The following NPAS3 variants were observed in gnomAD, a reference collection of about 807,000 sequenced individuals.
The protein encoded by NPAS3 is neuronal PAS domain-containing protein 3.
Under a neutral mutation model 73.1 loss-of-function variants are expected in NPAS3, and 14 were observed. That is an observed-to-expected ratio of 0.19 (90% CI 0.13 to 0.30). The LOEUF is 0.30. Among genes scored for constraint, NPAS3 ranks in the 10% least tolerant of loss-of-function variants. The pLI is 1.00. For missense variants in NPAS3, 1,096 were observed against 1,250.0 expected (o/e 0.88, Z 1.86); for synonymous variants, 620 against 541.5 (o/e 1.14, Z -2.01).
intron 3 of NPAS3, among the ~76,000 whole-genome samples, chr14:33,362,579 A>G (rs1343442017): frequency 3.9e-5 from 6 of 152,020 alleles, no homozygotes; most frequent in Admixed American, 3.9e-4. Context: ...ATGTCCAGGG[A>G]TTCCATTAAG....
At chr14:33,338,917 G>A (rs2140303492) in intron 3 of NPAS3, among the ~76,000 whole-genome samples, 1 of 152,182 alleles carries the variant, frequency 6.6e-6, no homozygotes, top group Middle Eastern at 3.4e-3. Flanking sequence ...CACATATTCT[G>A]AAGCTCATAC....
intron 1 of NPAS3, among the ~76,000 whole-genome samples, chr14:33,024,221 G>T (rs2138288526): frequency 6.6e-6 from 1 of 151,632 alleles, no homozygotes; most frequent in Middle Eastern, 3.4e-3. Flanking sequence ...ACCCAGGCTG[G>T]AGTACAGTGG....
At chr14:33,566,965 G>T (rs1367279989) in intron 5 of NPAS3, among the ~76,000 whole-genome samples, 1 of 152,220 alleles carries the variant, frequency 6.6e-6, no homozygotes, top group African/African-American at 2.4e-5. Flanking sequence ...AATCCACAGG[G>T]CTTCTTCAGG....
chr14:33,324,464 G>A (rs1009132884), intron 3 of NPAS3, among the ~76,000 whole-genome samples: 2 of 152,080 alleles, frequency 1.3e-5, no homozygotes, highest in East Asian at 1.9e-4. Flanking sequence ...TGTGATTATC[G>A]GATTGCCCTT....
chr14:33,757,383 T>C (rs2062147636), intron 7 of NPAS3, among the ~76,000 whole-genome samples: 1 of 152,180 alleles, frequency 6.6e-6, no homozygotes, highest in Non-Finnish European at 1.5e-5. Context: ...GTTCAACATA[T>C]GGGGAACTGA....
intron 1 of NPAS3, among the ~76,000 whole-genome samples, chr14:32,996,434 C>G (rs1381284109): frequency 6.6e-6 from 1 of 152,196 alleles, no homozygotes; most frequent in African/African-American, 2.4e-5. Context: ...GAAAATGTAT[C>G]TAGGGCATGT....
At chr14:33,350,785 T>C (rs548329106) in intron 3 of NPAS3, among the ~76,000 whole-genome samples, 49 of 152,336 alleles carry the variant, frequency 3.2e-4, no homozygotes, top group Non-Finnish European at 1.5e-5. Flanking sequence ...TGGGTAGCTT[T>C]ACCAAAACAT....
chr14:32,941,345 T>TTCCTTCCTTCCTTCCG (rs1294162511), intron 1 of NPAS3, among the ~76,000 whole-genome samples: 1 of 128,590 alleles, frequency 7.8e-6, no homozygotes, highest in African/African-American at 3.1e-5. Flanking sequence ...CCTTCCTTCC[T>TTCCTTCCTTCCTTCCG]TCCTTCTTCC....
intron 3 of NPAS3, among the ~76,000 whole-genome samples, chr14:33,325,166 A>T (rs964711723): frequency 1.3e-5 from 2 of 152,092 alleles, no homozygotes; most frequent in East Asian, 1.9e-4. Context: ...TTTTTTTTTA[A>T]AAAATTAATT....
intron 9 of NPAS3, among the ~76,000 whole-genome samples, chr14:33,782,456 A>T (rs1045949100): frequency 3.3e-5 from 5 of 152,202 alleles, no homozygotes; most frequent in Admixed American, 3.3e-4. Context: ...CTTTATTCCC[A>T]TTTAATCCAG....
At chr14:33,655,631 G>A (rs1054018791) in intron 5 of NPAS3, among the ~76,000 whole-genome samples, 1 of 152,102 alleles carries the variant, frequency 6.6e-6, no homozygotes, top group Non-Finnish European at 1.5e-5. Context: ...CTTGGAAAAA[G>A]GAAGTGGATG....
At chr14:33,420,222 C>T (rs1304628523) in intron 4 of NPAS3, among the ~76,000 whole-genome samples, 1 of 151,834 alleles carries the variant, frequency 6.6e-6, no homozygotes, top group African/African-American at 2.4e-5. Flanking sequence ...TTTTAAATTT[C>T]CTCATCCTGG....
intron 1 of NPAS3, among the ~76,000 whole-genome samples, chr14:33,032,581 A>G (rs139107262): frequency 6.6e-6 from 1 of 152,296 alleles, no homozygotes; most frequent in African/African-American, 2.4e-5. Flanking sequence ...CACAGTCTGC[A>G]TGGACTGACA....
intron 3 of NPAS3, among the ~76,000 whole-genome samples, chr14:33,229,485 CT>C (rs1465016370): frequency 6.6e-6 from 1 of 152,176 alleles, no homozygotes; most frequent in Non-Finnish European, 1.5e-5. Context: ...ACGTGCTCAC[CT>C]TCCCGCCCGC....
At chr14:33,318,507 C>A (rs2043300800) in intron 3 of NPAS3, among the ~76,000 whole-genome samples, 1 of 152,030 alleles carries the variant, frequency 6.6e-6, no homozygotes. Flanking sequence ...TATTTTACCA[C>A]AATTTTTTAA....
At chr14:33,125,568 G>A (rs892161494) in intron 2 of NPAS3, among the ~76,000 whole-genome samples, 2 of 152,040 alleles carry the variant, frequency 1.3e-5, no homozygotes, top group African/African-American at 4.8e-5. Flanking sequence ...GAACTTTATC[G>A]AGAACTGATG....
At chr14:33,503,230 A>G in intron 4 of NPAS3, among the ~76,000 whole-genome samples, 1 of 151,926 alleles carries the variant, frequency 6.6e-6, no homozygotes, top group East Asian at 1.9e-4. Flanking sequence ...CAATATCAAC[A>G]ATTATAGTAG....
intron 3 of NPAS3, among the ~76,000 whole-genome samples, chr14:33,251,064 G>C (rs2048565486): frequency 2.0e-5 from 3 of 152,108 alleles, no homozygotes; most frequent in Admixed American, 2.0e-4. Context: ...GTTCTAGAAA[G>C]CATTTTTTGG....
intron 3 of NPAS3, among the ~76,000 whole-genome samples, chr14:33,364,593 G>A (rs2045750533): frequency 6.6e-6 from 1 of 152,146 alleles, no homozygotes; most frequent in Non-Finnish European, 1.5e-5. Context: ...CAAGATACTT[G>A]TATATTATGC....
Sources: gnomAD v4.1 joint callset for allele counts (sites outside exome capture counted in the v4.1 genomes callset) on GRCh38, gnomAD v4.1.1 for gene constraint, MANE v1.5 for transcripts, NCBI Gene and HGNC (gene_info 2026-07-23, HGNC 2026-07-21) for gene names.